Variants in PLCG2 observed in about 807,000 individuals in gnomAD.
PLCG2 encodes the protein phospholipase C gamma 2.
PLCG2 carries 69 observed loss-of-function variants against 175.6 expected under a neutral mutation model. The observed-to-expected ratio is 0.39, with a 90% CI of 0.32 to 0.48. PLCG2 has a LOEUF of 0.48. PLCG2 is among the 20% of genes least tolerant of loss of function. The probability of loss-of-function intolerance (pLI) is 0.91; values close to 1 mark genes in which losing one functional copy is unlikely to be tolerated. For synonymous variants in PLCG2, 827 were observed against 624.0 expected (o/e 1.33, Z -4.85); for missense variants, 1,798 against 1,650.9 (o/e 1.09, Z -1.54).
At chr16:81,880,364 T>A (rs1023912557) in intron 7 of PLCG2, among the ~76,000 whole-genome samples, 1 of 152,204 alleles carries the variant, frequency 6.6e-6, no homozygotes, top group Non-Finnish European at 1.5e-5. Flanking sequence ...ATGTGCTGTG[T>A]CTACGCGCTT....
chr16:81,940,394 C>A (rs1038443905), intron 30 of PLCG2, among the ~76,000 whole-genome samples: 1 of 152,122 alleles, frequency 6.6e-6, no homozygotes, highest in Admixed American at 6.5e-5. Flanking sequence ...CTGGTTTGAT[C>A]TCCCCCTCCT....
chr16:81,876,781 G>C (rs548595872), intron 7 of PLCG2, among the ~76,000 whole-genome samples: 2 of 152,284 alleles, frequency 1.3e-5, no homozygotes, highest in Admixed American at 1.3e-4. Flanking sequence ...CTGTCCCTTG[G>C]TTAGGTAGAA....
intron 30 of PLCG2, among the ~76,000 whole-genome samples, chr16:81,940,457 T>TAG: frequency 6.6e-6 from 1 of 151,532 alleles, no homozygotes; most frequent in East Asian, 1.9e-4. Context: ...TTTGGCATCT[T>TAG]GGGGGGGGAG....
At chr16:81,858,388 T>A in intron 4 of PLCG2, 32 bp downstream of exon 4, 1 of 1,458,108 alleles carries the variant, frequency 6.9e-7, no homozygotes, top group Non-Finnish European at 9.6e-7. Flanking sequence ...ATTTGCGTAG[T>A]TGCTGATTCC....
At chr16:81,834,577 C>T (rs549602721) in intron 2 of PLCG2, among the ~76,000 whole-genome samples, 4 of 117,698 alleles carry the variant, frequency 3.4e-5, no homozygotes, top group South Asian at 5.2e-4. Flanking sequence ...GGTTGATAGA[C>T]CCTGGATCTG....
At chr16:81,899,245 C>G (rs929423867) in intron 13 of PLCG2, among the ~76,000 whole-genome samples, 2 of 150,612 alleles carry the variant, frequency 1.3e-5, no homozygotes, top group Non-Finnish European at 2.9e-5. Context: ...AATGACTTTT[C>G]TCCTGCCTCA....
chr16:81,936,093 C>G (rs572189073), intron 26 of PLCG2, 76 bp from the exon 27 acceptor site: 8 of 1,568,646 alleles, frequency 5.1e-6, no homozygotes, highest in Non-Finnish European at 6.9e-6. Flanking sequence ...TCTGAGCATC[C>G]AGCCATTGCA....
chr16:81,836,155 A>G (rs1021238674), intron 2 of PLCG2, among the ~76,000 whole-genome samples: 1 of 152,146 alleles, frequency 6.6e-6, no homozygotes, highest in Non-Finnish European at 1.5e-5. Context: ...ATTGGTGTCA[A>G]CTAGTGTTTT....
upstream of PLCG2, among the ~76,000 whole-genome samples, chr16:81,774,305 C>G (rs1050511958): frequency 6.6e-6 from 1 of 151,252 alleles, no homozygotes; most frequent in Non-Finnish European, 1.5e-5. Flanking sequence ...AGCTGAGATC[C>G]AACCACTGCA....
intron 7 of PLCG2, among the ~76,000 whole-genome samples, chr16:81,872,895 C>T (rs1406045167): frequency 6.6e-6 from 1 of 152,228 alleles, no homozygotes; most frequent in Non-Finnish European, 1.5e-5. Flanking sequence ...TCATTAATTG[C>T]TTTCTGCATG....
At chr16:81,817,558 G>C (rs4398101) in intron 2 of PLCG2, among the ~76,000 whole-genome samples, 149,585 of 152,382 alleles carry the variant, frequency 0.98, 73,427 homozygotes, top group Admixed American at 0.99. Flanking sequence ...GATAAAACAA[G>C]AGCCCTCAAA....
At chr16:81,931,894 A>G (rs1321010797) in intron 25 of PLCG2, among the ~76,000 whole-genome samples, 1 of 152,204 alleles carries the variant, frequency 6.6e-6, no homozygotes, top group Non-Finnish European at 1.5e-5. Flanking sequence ...CAGAAGGCTG[A>G]GTGCCTGCAG....
chr16:81,788,520 A>C (rs1911085293), intron 2 of PLCG2, among the ~76,000 whole-genome samples: 1 of 152,092 alleles, frequency 6.6e-6, no homozygotes, highest in Admixed American at 6.6e-5. Context: ...TTTTAACTTT[A>C]AAGGGAAGTT....
intron 28 of PLCG2, 175 bp from the exon 29 acceptor site, chr16:81,938,626 C>T: frequency 1.7e-6 from 1 of 593,038 alleles, no homozygotes; most frequent in Non-Finnish European, 3.0e-6. Context: ...GTGGGATCTA[C>T]CACAGTCCAC....
At chr16:81,867,808 C>T (rs1223600969) in intron 5 of PLCG2, among the ~76,000 whole-genome samples, 1 of 152,180 alleles carries the variant, frequency 6.6e-6, no homozygotes, top group Non-Finnish European at 1.5e-5. Flanking sequence ...CGCCATTCTT[C>T]TGCCTCAGCC....
At chr16:81,908,253 T>G (rs536793496) in intron 16 of PLCG2, among the ~76,000 whole-genome samples, 163 bp from the exon 17 acceptor site, 82 of 152,138 alleles carry the variant, frequency 5.4e-4, no homozygotes, top group African/African-American at 1.5e-3. Context: ...CAGAGGAGGG[T>G]AGCAGGTGCT....
At chr16:81,741,021 T>C (rs1483895937) in intron 1 of PLCG2, among the ~76,000 whole-genome samples, 1 of 152,198 alleles carries the variant, frequency 6.6e-6, no homozygotes, top group Non-Finnish European at 1.5e-5. Flanking sequence ...CTGTGCCCCA[T>C]AGAGCAAGAG....
chr16:81,951,302 A>C (rs1911356502), intron 31 of PLCG2, among the ~76,000 whole-genome samples: 2 of 152,218 alleles, frequency 1.3e-5, no homozygotes, highest in Non-Finnish European at 2.9e-5. Context: ...ACTTAATAAA[A>C]GAATAAAGAG....
intron 7 of PLCG2, among the ~76,000 whole-genome samples, chr16:81,878,477 T>C (rs1348112180): frequency 6.6e-6 from 1 of 152,172 alleles, no homozygotes; most frequent in Non-Finnish European, 1.5e-5. Context: ...CTATAACTTT[T>C]TCTATCTTTA....
Sources: gnomAD v4.1 joint callset for allele counts (sites outside exome capture counted in the v4.1 genomes callset) on GRCh38, gnomAD v4.1.1 for gene constraint, MANE v1.5 for transcripts, NCBI Gene and HGNC (gene_info 2026-07-23, HGNC 2026-07-21) for gene names.